Variants in SLC17A5 observed in about 807,000 individuals in gnomAD.
The protein encoded by SLC17A5 is sialin.
In SLC17A5, 47 loss-of-function variants were observed where a neutral mutation model predicts 59.4. The observed-to-expected ratio is 0.79, with a 90% CI of 0.63 to 1.01. The LOEUF is 1.01. Among genes scored for constraint, SLC17A5 ranks in the 50% least tolerant of loss-of-function variants. The pLI, the probability that SLC17A5 is intolerant of heterozygous loss-of-function variation, is 0.00. For synonymous variants in SLC17A5, 202 were observed against 210.7 expected (o/e 0.96, Z 0.36); for missense variants, 522 against 595.5 (o/e 0.88, Z 1.28).
At chr6:73,622,219 G>A (rs1164047527) in intron 6 of SLC17A5, among the ~76,000 whole-genome samples, 1 of 151,822 alleles carries the variant, frequency 6.6e-6, no homozygotes, top group East Asian at 1.9e-4. Context: ...TGTATTCGTA[G>A]AGCTATAATG....
chr6:73,619,535 A>G (rs1768041145), intron 7 of SLC17A5, among the ~76,000 whole-genome samples: 1 of 152,030 alleles, frequency 6.6e-6, no homozygotes, highest in Admixed American at 6.6e-5. Context: ...TATTTAAAAA[A>G]AACAAAAACA....
chr6:73,639,226 C>T (rs1003360604), intron 3 of SLC17A5, among the ~76,000 whole-genome samples: 1 of 151,972 alleles, frequency 6.6e-6, no homozygotes, highest in Admixed American at 6.6e-5. Flanking sequence ...GAGGAGATAC[C>T]ACAGGACAGT....
At chr6:73,645,693 CAGG>C (rs1769510825) in intron 1 of SLC17A5, among the ~76,000 whole-genome samples, 3 of 148,636 alleles carry the variant, frequency 2.0e-5, no homozygotes, top group Admixed American at 6.9e-5. Flanking sequence ...GAGGCTGAGG[CAGG>C]AGAATGGCGT....
chr6:73,648,472 C>T (rs1451514538), intron 1 of SLC17A5, among the ~76,000 whole-genome samples: 1 of 152,174 alleles, frequency 6.6e-6, no homozygotes, highest in Non-Finnish European at 1.5e-5. Context: ...GGGAATGAAT[C>T]TGTTTCTGAT....
intron 2 of SLC17A5, among the ~76,000 whole-genome samples, chr6:73,644,182 G>GA (rs1336783150): frequency 6.6e-6 from 1 of 152,152 alleles, no homozygotes; most frequent in Non-Finnish European, 1.5e-5. Context: ...AGAGGGAATG[G>GA]AAGAACTACT....
chr6:73,632,674 C>T (rs9446960), intron 6 of SLC17A5, among the ~76,000 whole-genome samples: 23,569 of 151,036 alleles, frequency 0.16, 2,973 homozygotes, highest in African/African-American at 0.32. Flanking sequence ...ATTCCTGGGC[C>T]CAAGCAATCC....
chr6:73,604,623 C>G (rs184937739), intron 9 of SLC17A5, among the ~76,000 whole-genome samples: 1 of 151,930 alleles, frequency 6.6e-6, no homozygotes, highest in East Asian at 1.9e-4. Context: ...TGTGTTGGCT[C>G]AGGCTGTAGA....
chr6:73,644,266 T>C (rs1328494179), intron 2 of SLC17A5, 141 bp downstream of exon 2: 4 of 685,224 alleles, frequency 5.8e-6, no homozygotes, highest in African/African-American at 5.4e-5. Context: ...AATCAGTTCC[T>C]GGGAAAACAC....
At chr6:73,622,577 A>T (rs1768202336) in intron 6 of SLC17A5, among the ~76,000 whole-genome samples, 1 of 152,214 alleles carries the variant, frequency 6.6e-6, no homozygotes, top group Non-Finnish European at 1.5e-5. Flanking sequence ...GGCGTGAGCC[A>T]CCGTGCCCGG....
At chr6:73,642,228 A>C (rs1350036719) in intron 2 of SLC17A5, among the ~76,000 whole-genome samples, 1 of 152,230 alleles carries the variant, frequency 6.6e-6, no homozygotes, top group Non-Finnish European at 1.5e-5. Context: ...CAAAAGAATC[A>C]CAAAAAAGGC....
At chr6:73,641,307 A>G (rs487673) in intron 3 of SLC17A5, among the ~76,000 whole-genome samples, 58,188 of 151,906 alleles carry the variant, frequency 0.38, 12,413 homozygotes, top group African/African-American at 0.57. Context: ...TCAAACTCCT[A>G]ACCTCAAGTG....
At position 73,653,990 on chromosome 6, in the gene SLC17A5, G is replaced by A; in HGVS notation, c.-104C>T. On this transcript the variant is annotated 5_prime_UTR_variant, in exon 1 of 11. Coordinates refer to ENST00000355773, the MANE Select transcript of SLC17A5 (RefSeq NM_012434.5). Reference sequence around the variant, plus strand: ...AGCTGGCTGGACCGGGCGGGGCGGGGGCGATGACACCGCCCCGCGGCCACG... The same window carrying A: ...AGCTGGCTGGACCGGGCGGGGCGGGAGCGATGACACCGCCCCGCGGCCACG... 9.6e-7 allele frequency: 1 copy of A among 1,043,826 alleles called. No homozygotes were observed. The highest frequency in any genetic ancestry group is 1.4e-6 in the Non-Finnish European group (1 of 706,116). 64.7% of individuals were successfully genotyped at this position (1,043,826 alleles called of 1,614,324 possible).
At chr6:73,627,524 T>C (rs181629204) in intron 6 of SLC17A5, among the ~76,000 whole-genome samples, 17 of 151,724 alleles carry the variant, frequency 1.1e-4, no homozygotes, top group African/African-American at 4.1e-4. Context: ...ATTCTCTTGC[T>C]ATTGTTTCTA....
chr6:73,610,384 TTA>T lies in SLC17A5; in HGVS notation c.1259+14_1259+15del, dbSNP rs1767589890. 1 of 1,613,430 alleles carries T rather than the reference TTA, an allele frequency of 6.2e-7. No individual in the cohort carries two copies. Among genetic ancestry groups the T allele is most frequent in the Non-Finnish European group, 8.5e-7 (1 of 1,179,568 alleles). On this transcript the variant is annotated intron_variant, in intron 9 of 10. Transcript: ENST00000355773. ...ATTTAAAGTCAATCACAGCAAATCT[TTA>T]TATTAGTACTCACGAAGGAGCAATA...
At chr6:73,652,518 T>C (rs962956952) in intron 1 of SLC17A5, among the ~76,000 whole-genome samples, 9 of 152,250 alleles carry the variant, frequency 5.9e-5, no homozygotes, top group Admixed American at 3.9e-4. Flanking sequence ...ATTTTGATTA[T>C]ACATATACAT....
intron 1 of SLC17A5, among the ~76,000 whole-genome samples, chr6:73,648,648 CCTT>C (rs1769693582): frequency 6.6e-6 from 1 of 152,170 alleles, no homozygotes; most frequent in Non-Finnish European, 1.5e-5. Flanking sequence ...ATTTCTTCCT[CCTT>C]TTTATCTGGA....
chr6:73,635,686 T>C (rs1323796812), intron 5 of SLC17A5, among the ~76,000 whole-genome samples, 186 bp from the exon 6 acceptor site: 2 of 152,230 alleles, frequency 1.3e-5, no homozygotes, highest in Admixed American at 1.3e-4. Context: ...CTCTCAATTC[T>C]TTAATGGGAT....
At chr6:73,602,261 A>G (rs978834663) in intron 9 of SLC17A5, among the ~76,000 whole-genome samples, 50 of 148,282 alleles carry the variant, frequency 3.4e-4, no homozygotes, top group Middle Eastern at 3.4e-3. Context: ...AAGAATCATC[A>G]CCACTCCCTA....
At chr6:73,615,806 T>A (rs145692964) in intron 7 of SLC17A5, among the ~76,000 whole-genome samples, 155 of 150,780 alleles carry the variant, frequency 1.0e-3, no homozygotes, top group African/African-American at 3.6e-3. Flanking sequence ...CTCATTTATT[T>A]AAAAAAAATT....
Sources: allele counts gnomAD v4.1 joint callset (sites outside exome capture counted in the v4.1 genomes callset), GRCh38; gene constraint gnomAD v4.1.1; transcripts MANE v1.5; gene names NCBI Gene and HGNC (gene_info 2026-07-23, HGNC 2026-07-21).